KLHL4: variants seen among roughly 807,000 people sequenced by gnomAD.
KLHL4 encodes kelch-like protein 4.
A neutral mutation model predicts 45.8 loss-of-function variants in KLHL4; 17 were observed. The observed-to-expected ratio is 0.37, with a 90% CI of 0.25 to 0.56. The LOEUF (loss-of-function observed/expected upper bound fraction) is 0.56, where lower values mean the gene tolerates loss of function less well. KLHL4 is among the 20% of genes least tolerant of loss of function. KLHL4 has a pLI of 0.79. For synonymous variants in KLHL4, 224 were observed against 189.9 expected (o/e 1.18, Z -1.47); for missense variants, 544 against 544.9 (o/e 1.00, Z 0.02).
chrX:87,543,090 G>A (rs964141739), intron 1 of KLHL4, among the ~76,000 whole-genome samples: 5 of 110,944 alleles, frequency 4.5e-5, no homozygotes, highest in Non-Finnish European at 9.4e-5. Context: ...TTGTGAAGAA[G>A]GTGCCTGCTA....
intron 1 of KLHL4, among the ~76,000 whole-genome samples, chrX:87,541,610 C>T: frequency 9.1e-6 from 1 of 110,425 alleles, no homozygotes; most frequent in Non-Finnish European, 1.9e-5. Flanking sequence ...TGTAAGTTTC[C>T]TGAGGCCTTC....
chrX:87,575,634 G>A (rs73511907), intron 1 of KLHL4, among the ~76,000 whole-genome samples: 197 of 111,764 alleles, frequency 1.8e-3, no homozygotes, highest in African/African-American at 6.2e-3. Context: ...CAGAAGTCAG[G>A]AAAAACAGGT....
At chrX:87,604,694 A>T (rs1414198478) in intron 1 of KLHL4, among the ~76,000 whole-genome samples, 2 of 111,206 alleles carry the variant, frequency 1.8e-5, no homozygotes, top group Non-Finnish European at 3.8e-5. Context: ...TAGCTTGGAA[A>T]TATTTTCTCA....
chrX:87,584,356 T>C (rs1024072869), intron 1 of KLHL4, among the ~76,000 whole-genome samples: 3 of 111,886 alleles, frequency 2.7e-5, no homozygotes, highest in African/African-American at 9.7e-5. Context: ...CCTCAATAAA[T>C]GAACGAAATA....
At chrX:87,526,991 C>G (rs1931124372) in intron 1 of KLHL4, among the ~76,000 whole-genome samples, 1 of 111,779 alleles carries the variant, frequency 8.9e-6, no homozygotes, top group South Asian at 3.7e-4. Context: ...TTAAGAGGTA[C>G]TGTTGTAGAC....
rs1158869116 is a variant in KLHL4 at position 87,531,068 on chromosome X, C to A, written c.422+12753C>A. Among the ~76,000 whole-genome samples, 3 of 111,875 alleles carry A rather than the reference C, an allele frequency of 2.7e-5. No individual in the cohort carries two copies. The South Asian group carries it at 1.1e-3, about 42-fold the overall frequency. On this transcript the variant is annotated intron_variant, in intron 1 of 10. Coordinates refer to ENST00000373119, the MANE Select transcript of KLHL4 (RefSeq NM_019117.5). ...TGTCCTTTGGCTGCATAAATGTCTT[C>A]TTTTGAGAAGTGTCTGTTCATGTCC...
chrX:87,555,676 G>T (rs111398060), intron 1 of KLHL4, among the ~76,000 whole-genome samples: 17,654 of 103,740 alleles, frequency 0.17, 1,365 homozygotes, highest in East Asian at 0.23. Context: ...CCAGCTCCTG[G>T]ATTCATTAAT....
chrX:87,557,346 C>T (rs1932000538), intron 1 of KLHL4, among the ~76,000 whole-genome samples: 1 of 111,487 alleles, frequency 9.0e-6, no homozygotes, highest in Non-Finnish European at 1.9e-5. Context: ...CTGCTGGCTC[C>T]AGATGTAGAG....
In KLHL4 at chrX:87,667,809, A is replaced by C; in HGVS notation, c.*1275A>C. ...TCTTTTTATTGTGGATTGTGAAATC[A>C]AAATCTGGAGAAATGCTTATAAAAT... On this transcript the variant is annotated 3_prime_UTR_variant, in exon 11 of 11. Transcript: ENST00000373119. 1.5e-6 allele frequency: 1 copy of C among 674,443 alleles called. No individual in the cohort carries two copies. The highest frequency in any genetic ancestry group is 2.4e-5 in the African/African-American group (1 of 42,289). The allele number at this position is 674,443 out of a possible 1,213,427, so 55.6% of individuals were successfully genotyped here.
chrX:87,626,008 T>G (rs181707632), intron 6 of KLHL4, among the ~76,000 whole-genome samples: 1 of 112,377 alleles, frequency 8.9e-6, no homozygotes, highest in East Asian at 2.8e-4. Context: ...TAGGCACTTT[T>G]ACTTTACAGA....
At chrX:87,662,802 C>T (rs913751250) in intron 9 of KLHL4, among the ~76,000 whole-genome samples, 8 of 108,985 alleles carry the variant, frequency 7.3e-5, no homozygotes, top group East Asian at 2.9e-4. Context: ...TGGTGGCGGG[C>T]GCCTGTAGTC....
At chrX:87,579,283 C>T (rs184302156) in intron 1 of KLHL4, among the ~76,000 whole-genome samples, 10 of 110,693 alleles carry the variant, frequency 9.0e-5, no homozygotes, top group Non-Finnish European at 1.3e-4. Context: ...AGAAAACATA[C>T]GCATAGAAAA....
In KLHL4 at chrX:87,535,425, A is replaced by T. The variant is rs756947315; in HGVS notation, c.422+17110A>T. 3.6e-5 allele frequency among the ~76,000 whole-genome samples: 4 copies of T among 112,412 alleles called. No homozygotes were observed. In the South Asian group the frequency reaches 1.5e-3, roughly 41 times the overall value. On this transcript the variant is annotated intron_variant, in intron 1 of 10. Coordinates refer to ENST00000373119, the MANE Select transcript of KLHL4 (RefSeq NM_019117.5). ...GTTAAATATGTGATACAATTGTGAC[A>T]CTTTAAATCCTATAACTACCGTACC...
chrX:87,593,338 G>T, intron 1 of KLHL4, among the ~76,000 whole-genome samples: 1 of 110,991 alleles, frequency 9.0e-6, no homozygotes, highest in Non-Finnish European at 1.9e-5. Flanking sequence ...CATGCTTGAT[G>T]TTGTCAAACA....
intron 1 of KLHL4, among the ~76,000 whole-genome samples, chrX:87,568,242 A>G (rs754314767): frequency 1.8e-3 from 201 of 110,031 alleles, no homozygotes; most frequent in African/African-American, 6.3e-3. Context: ...AAATTCAAGC[A>G]GAGGTAAATA....
At chrX:87,543,582 T>C (rs1377959428) in intron 1 of KLHL4, among the ~76,000 whole-genome samples, 1 of 110,892 alleles carries the variant, frequency 9.0e-6, no homozygotes, top group African/African-American at 3.3e-5. Context: ...TATAAGGCAT[T>C]GAACTCACTG....
intron 1 of KLHL4, among the ~76,000 whole-genome samples, chrX:87,577,757 G>T (rs1921143987): frequency 9.0e-6 from 1 of 111,369 alleles, no homozygotes; most frequent in Non-Finnish European, 1.9e-5. Flanking sequence ...TAACTCCAGT[G>T]ATTGTCACTT....
intron 1 of KLHL4, among the ~76,000 whole-genome samples, chrX:87,600,380 G>A (rs1018190254): frequency 8.2e-5 from 9 of 110,164 alleles, no homozygotes; most frequent in African/African-American, 3.0e-4. Flanking sequence ...GCTATCAGGA[G>A]GCTGAGGCAG....
In KLHL4 at chrX:87,668,455, T is replaced by C. The variant is rs1031609904; in HGVS notation, c.*1921T>C. On this transcript the variant is annotated 3_prime_UTR_variant, in exon 11 of 11. Transcript: ENST00000373119. ...TTGACTCATAGAAGAGACATGTATG[T>C]TTCCCGGGGCTACCCCTTCATAGCT... 18 of 751,728 alleles carry C rather than the reference T, an allele frequency of 2.4e-5. No homozygotes were observed. The highest frequency in any genetic ancestry group is 2.8e-5 in the Non-Finnish European group (18 of 638,166). 62.0% of individuals were successfully genotyped at this position (751,728 alleles called of 1,213,427 possible).
Sources: gnomAD v4.1 joint callset for allele counts (sites outside exome capture counted in the v4.1 genomes callset) on GRCh38, gnomAD v4.1.1 for gene constraint, MANE v1.5 for transcripts, NCBI Gene and HGNC (gene_info 2026-07-23, HGNC 2026-07-21) for gene names.